Variants in TGFA observed in about 807,000 individuals in gnomAD.
TGFA encodes the protein transforming growth factor alpha, also known as protransforming growth factor alpha.
TGFA carries 12 observed loss-of-function variants against 21.7 expected under a neutral mutation model. The ratio of observed to expected loss-of-function variants is 0.55; its 90% CI spans 0.35 to 0.90. The LOEUF is 0.90. TGFA is among the 40% of genes least tolerant of loss of function. The pLI, the probability that TGFA is intolerant of heterozygous loss-of-function variation, is 0.01. For missense variants in TGFA, 178 were observed against 210.8 expected (o/e 0.84, Z 0.96); for synonymous variants, 79 against 88.1 (o/e 0.90, Z 0.58).
intron 2 of TGFA, among the ~76,000 whole-genome samples, chr2:70,512,928 G>C (rs1217963280): frequency 6.6e-6 from 1 of 152,222 alleles, no homozygotes; most frequent in Admixed American, 6.5e-5. Flanking sequence ...GTGTGAATCA[G>C]GAGGAGCAGG....
chr2:70,526,673 G>A (rs1037371108), intron 1 of TGFA, among the ~76,000 whole-genome samples: 5 of 152,268 alleles, frequency 3.3e-5, no homozygotes, highest in Admixed American at 6.5e-5. Context: ...GCTCTGCTAT[G>A]GGAAAATGGG....
At chr2:70,548,211 T>C (rs564253834) in intron 1 of TGFA, among the ~76,000 whole-genome samples, 2 of 152,118 alleles carry the variant, frequency 1.3e-5, no homozygotes, top group South Asian at 4.2e-4. Flanking sequence ...TACCTCAGAG[T>C]ATCCTGCACT....
At chr2:70,450,984 C>CCTAACTGCCCGAG in intron 5 of TGFA, 118 bp from the exon 6 acceptor site, 1 of 1,261,004 alleles carries the variant, frequency 7.9e-7, no homozygotes, top group Non-Finnish European at 1.1e-6. Context: ...TTCTCTCGGG[C>CCTAACTGCCCGAG]AGTTAGGCCC....
At chr2:70,476,080 CAA>C (rs1175233983) in intron 2 of TGFA, among the ~76,000 whole-genome samples, 4,716 of 55,358 alleles carry the variant, frequency 0.085, 71 homozygotes, top group African/African-American at 0.15. Flanking sequence ...TAATTTTAAG[CAA>C]AAAAAAAAAA....
chr2:70,514,671 C>A (rs528486374), intron 2 of TGFA, among the ~76,000 whole-genome samples, 188 bp downstream of exon 2: 46 of 152,230 alleles, frequency 3.0e-4, no homozygotes, highest in Non-Finnish European at 5.3e-4. Context: ...AACAGCCCCC[C>A]CTTGGGCCTG....
intron 1 of TGFA, among the ~76,000 whole-genome samples, chr2:70,524,867 C>G (rs1343767034): frequency 6.6e-6 from 1 of 152,176 alleles, no homozygotes; most frequent in Non-Finnish European, 1.5e-5. Flanking sequence ...CTGGAAGGAT[C>G]CATGGGGAGG....
intron 2 of TGFA, among the ~76,000 whole-genome samples, chr2:70,481,944 C>T (rs1553495630): frequency 6.6e-6 from 1 of 152,184 alleles, no homozygotes; most frequent in East Asian, 1.9e-4. Context: ...CCCAGCAAAG[C>T]CACTTCTGAA....
chr2:70,480,383 C>G (rs1216531727), intron 2 of TGFA, among the ~76,000 whole-genome samples: 1 of 152,144 alleles, frequency 6.6e-6, no homozygotes, highest in Non-Finnish European at 1.5e-5. Flanking sequence ...GATTGTTGGA[C>G]TAGGGTAGGA....
intron 2 of TGFA, among the ~76,000 whole-genome samples, chr2:70,502,521 A>T (rs1403183997): frequency 1.3e-5 from 2 of 151,872 alleles, no homozygotes; most frequent in African/African-American, 4.8e-5. Flanking sequence ...GGATTTTACC[A>T]TGTTGGCCAG....
intron 1 of TGFA, chr2:70,553,157 T>C: frequency 6.5e-7 from 1 of 1,535,504 alleles, no homozygotes; most frequent in Non-Finnish European, 8.7e-7. Flanking sequence ...AAGGAACCAT[T>C]AATCCGCCCA....
At chr2:70,543,841 G>T (rs1574150257) in intron 1 of TGFA, among the ~76,000 whole-genome samples, 1 of 152,110 alleles carries the variant, frequency 6.6e-6, no homozygotes, top group African/African-American at 2.4e-5. Context: ...ATTTTATAAA[G>T]CTGACATAAT....
At chr2:70,536,636 T>C (rs1672975832) in intron 1 of TGFA, among the ~76,000 whole-genome samples, 1 of 152,194 alleles carries the variant, frequency 6.6e-6, no homozygotes, top group Non-Finnish European at 1.5e-5. Flanking sequence ...CAGTTAAAAA[T>C]ATTTTGAACT....
At position 70,474,453 on chromosome 2, in the gene TGFA, A is replaced by C. The variant is rs553543520; in HGVS notation, c.95-8717T>G. 4.6e-5 allele frequency among the ~76,000 whole-genome samples: 7 copies of C among 152,388 alleles called. No individual in the cohort carries two copies. In the East Asian group the frequency reaches 1.3e-3, roughly 29 times the overall value. The stretch of plus-strand genomic sequence containing the variant: ...GAAGGGGAACACTTAACTAGTGAAC[A>C]TCTTCTAGTAATCAGAAAGGGGCAC... On this transcript the variant is annotated intron_variant, in intron 2 of 5. Coordinates refer to ENST00000295400, the MANE Select transcript of TGFA (RefSeq NM_003236.4).
chr2:70,545,539 C>T (rs1291977252), intron 1 of TGFA, among the ~76,000 whole-genome samples: 1 of 152,108 alleles, frequency 6.6e-6, no homozygotes, highest in Non-Finnish European at 1.5e-5. Context: ...TTTTAGACTA[C>T]TAACTGGTTA....
At chr2:70,454,939 G>GGCCA (rs1670179551) in intron 4 of TGFA, among the ~76,000 whole-genome samples, 1 of 152,204 alleles carries the variant, frequency 6.6e-6, no homozygotes, top group Admixed American at 6.5e-5. Flanking sequence ...TGACCCTCCT[G>GGCCA]GCCATAGACA....
At chr2:70,540,194 G>C (rs181110381) in intron 1 of TGFA, among the ~76,000 whole-genome samples, 1 of 152,218 alleles carries the variant, frequency 6.6e-6, no homozygotes, top group Admixed American at 6.5e-5. Context: ...TAGGAGGGAA[G>C]TCAAGGTCTC....
chr2:70,518,526 G>A (rs1200647920), intron 1 of TGFA, among the ~76,000 whole-genome samples: 2 of 152,250 alleles, frequency 1.3e-5, no homozygotes, highest in South Asian at 2.1e-4. Context: ...CCCCAGAAGT[G>A]GAGCCATCCC....
At chr2:70,537,866 A>G (rs1553504682) in intron 1 of TGFA, among the ~76,000 whole-genome samples, 1 of 152,194 alleles carries the variant, frequency 6.6e-6, no homozygotes, top group African/African-American at 2.4e-5. Context: ...TGCACAATAA[A>G]TTTTCAGTGC....
chr2:70,465,942 T>C (rs1670546100), intron 2 of TGFA, among the ~76,000 whole-genome samples: 1 of 152,232 alleles, frequency 6.6e-6, no homozygotes, highest in Non-Finnish European at 1.5e-5. Flanking sequence ...TCCAGCTTTT[T>C]GTTTTTGTAG....
Sources: gnomAD v4.1 joint callset for allele counts (sites outside exome capture counted in the v4.1 genomes callset) on GRCh38, gnomAD v4.1.1 for gene constraint, MANE v1.5 for transcripts, NCBI Gene and HGNC (gene_info 2026-07-23, HGNC 2026-07-21) for gene names.